Variants in LRMDA observed in about 807,000 individuals in gnomAD.
LRMDA encodes the protein leucine rich melanocyte differentiation associated, also known as leucine-rich melanocyte differentiation-associated protein.
LRMDA carries 18 observed loss-of-function variants against 29.8 expected under a neutral mutation model. The ratio of observed to expected loss-of-function variants is 0.60; its 90% CI spans 0.42 to 0.90. The LOEUF (loss-of-function observed/expected upper bound fraction) is 0.90. LRMDA is among the 40% of genes least tolerant of loss of function. The probability of loss-of-function intolerance (pLI) is 0.00; values close to 1 mark genes in which losing one functional copy is unlikely to be tolerated. For missense variants in LRMDA, 273 were observed against 273.9 expected (o/e 1.00, Z 0.02); for synonymous variants, 125 against 109.4 (o/e 1.14, Z -0.89).
At chr10:75,673,367 C>T (rs1159763862) in intron 2 of LRMDA, among the ~76,000 whole-genome samples, 1 of 152,132 alleles carries the variant, frequency 6.6e-6, no homozygotes, top group Non-Finnish European at 1.5e-5. Context: ...TTAGAGGTCA[C>T]CTGAAGGTTT....
chr10:76,396,950 C>T (rs1359345783), intron 6 of LRMDA, among the ~76,000 whole-genome samples: 2 of 152,246 alleles, frequency 1.3e-5, no homozygotes, highest in East Asian at 3.9e-4. Context: ...CTCTGCCACG[C>T]CACGCAACTC....
intron 6 of LRMDA, among the ~76,000 whole-genome samples, chr10:76,471,970 CA>C (rs1842622188): frequency 6.6e-6 from 1 of 151,642 alleles, no homozygotes; most frequent in Non-Finnish European, 1.5e-5. Context: ...AAGCTTTCAA[CA>C]ATAATAGTTG....
chr10:76,193,699 A>G (rs1851285220), intron 5 of LRMDA, among the ~76,000 whole-genome samples: 1 of 152,170 alleles, frequency 6.6e-6, no homozygotes, highest in Non-Finnish European at 1.5e-5. Flanking sequence ...ACCAGAAAAC[A>G]AAAATGTGTT....
intron 5 of LRMDA, among the ~76,000 whole-genome samples, chr10:76,111,006 C>T (rs1849569338): frequency 1.3e-5 from 2 of 152,150 alleles, no homozygotes. Flanking sequence ...TGTCATTCTC[C>T]ATCCACAACG....
At chr10:76,338,585 AG>A (rs1840999061) in intron 6 of LRMDA, among the ~76,000 whole-genome samples, 1 of 152,138 alleles carries the variant, frequency 6.6e-6, no homozygotes, top group Non-Finnish European at 1.5e-5. Context: ...AAGCCAGGGC[AG>A]TAAGTATGAG....
intron 6 of LRMDA, among the ~76,000 whole-genome samples, chr10:76,484,844 T>G (rs1842766176): frequency 6.6e-6 from 1 of 151,890 alleles, no homozygotes; most frequent in Admixed American, 6.6e-5. Context: ...GCATACCTGA[T>G]AAGTACTCCT....
intron 2 of LRMDA, among the ~76,000 whole-genome samples, chr10:75,673,616 A>G (rs1052803510): frequency 1.3e-5 from 2 of 152,164 alleles, no homozygotes; most frequent in Non-Finnish European, 2.9e-5. Flanking sequence ...TTGACTCTCA[A>G]TTCTGTGTTC....
chr10:76,171,543 T>G (rs1384738651), intron 5 of LRMDA, among the ~76,000 whole-genome samples: 3 of 152,196 alleles, frequency 2.0e-5, no homozygotes, highest in Non-Finnish European at 4.4e-5. Context: ...CTCATTAGCA[T>G]GGCAAGCCCC....
At chr10:76,350,355 ATTAAG>A (rs998247139) in intron 6 of LRMDA, among the ~76,000 whole-genome samples, 25 of 152,252 alleles carry the variant, frequency 1.6e-4, no homozygotes, top group African/African-American at 5.3e-4. Context: ...CCAAAATCTT[ATTAAG>A]TTATCAATTT....
chr10:76,204,203 T>C (rs1396509108), intron 5 of LRMDA, among the ~76,000 whole-genome samples: 2 of 149,330 alleles, frequency 1.3e-5, no homozygotes, highest in African/African-American at 5.0e-5. Context: ...CTCTATTCCA[T>C]GTGCCTGTCC....
At chr10:75,493,872 C>T (rs888446173) in intron 2 of LRMDA, among the ~76,000 whole-genome samples, 17 of 149,514 alleles carry the variant, frequency 1.1e-4, no homozygotes, top group African/African-American at 2.0e-4. Flanking sequence ...CTTGACTCTC[C>T]GTGACTGACT....
chr10:76,371,540 T>C (rs1446987469), intron 6 of LRMDA, among the ~76,000 whole-genome samples: 2 of 152,160 alleles, frequency 1.3e-5, no homozygotes, highest in South Asian at 4.2e-4. Context: ...CTCCTCTCAT[T>C]GGTTACCTGA....
At chr10:75,760,045 T>G (rs1261596542) in intron 2 of LRMDA, among the ~76,000 whole-genome samples, 1 of 152,218 alleles carries the variant, frequency 6.6e-6, no homozygotes, top group Non-Finnish European at 1.5e-5. Flanking sequence ...AAAGATGTAG[T>G]AAACAGTTGA....
At chr10:76,442,889 A>G (rs979604107) in intron 6 of LRMDA, among the ~76,000 whole-genome samples, 11 of 152,178 alleles carry the variant, frequency 7.2e-5, no homozygotes, top group Admixed American at 2.0e-4. Flanking sequence ...GGAAGATGCA[A>G]TCATTCTTCC....
At chr10:76,494,359 T>A (rs1316063960) in intron 6 of LRMDA, among the ~76,000 whole-genome samples, 1 of 151,612 alleles carries the variant, frequency 6.6e-6, no homozygotes, top group East Asian at 1.9e-4. Context: ...TGTTAATGTT[T>A]TGTAATTTAA....
chr10:76,056,412 G>A (rs2082853), intron 4 of LRMDA, among the ~76,000 whole-genome samples: 60,636 of 152,052 alleles, frequency 0.4, 12,999 homozygotes, highest in Non-Finnish European at 0.46. Flanking sequence ...GGGTTTCACC[G>A]GGGACACACC....
intron 5 of LRMDA, among the ~76,000 whole-genome samples, chr10:76,083,706 A>G (rs112742334): frequency 0.061 from 9,272 of 151,986 alleles, 741 homozygotes; most frequent in African/African-American, 0.18. Flanking sequence ...TGGTGGCGTG[A>G]GCCTGTAATT....
intron 2 of LRMDA, among the ~76,000 whole-genome samples, chr10:75,550,385 A>G (rs1158150021): frequency 2.0e-5 from 3 of 152,164 alleles, no homozygotes; most frequent in East Asian, 1.9e-4. Flanking sequence ...TTAGATGCAT[A>G]CATATACATT....
chr10:75,573,119 TG>T (rs1165542338), intron 2 of LRMDA, among the ~76,000 whole-genome samples: 3 of 152,236 alleles, frequency 2.0e-5, no homozygotes, highest in Admixed American at 6.5e-5. Flanking sequence ...CAGATTTTGT[TG>T]TCTTCTGGAA....
Sources: gnomAD v4.1 joint callset for allele counts (sites outside exome capture counted in the v4.1 genomes callset) on GRCh38, gnomAD v4.1.1 for gene constraint, MANE v1.5 for transcripts, NCBI Gene and HGNC (gene_info 2026-07-23, HGNC 2026-07-21) for gene names.